Variants in CHN1 observed in about 807,000 individuals in gnomAD.
CHN1 encodes N-chimaerin.
Under a neutral mutation model 59.5 loss-of-function variants are expected in CHN1, and 37 were observed. That is an observed-to-expected ratio of 0.62 (90% CI 0.48 to 0.82). The LOEUF (loss-of-function observed/expected upper bound fraction) is 0.82. Ranked by LOEUF, CHN1 falls within the 40% of genes least tolerant of loss-of-function variation. The pLI, the probability that CHN1 is intolerant of heterozygous loss-of-function variation, is 0.00. For synonymous variants in CHN1, 206 were observed against 200.4 expected, an observed-to-expected ratio of 1.03 and a Z score of -0.24; for missense variants, 469 against 571.0, an observed-to-expected ratio of 0.82 and a Z score of 1.82.
intron 6 of CHN1, among the ~76,000 whole-genome samples, chr2:174,857,851 T>G (rs1425475314): frequency 6.6e-6 from 1 of 152,180 alleles, no homozygotes; most frequent in Non-Finnish European, 1.5e-5. Flanking sequence ...GTCTAACACT[T>G]TGTCAACAAT....
intron 2 of CHN1, among the ~76,000 whole-genome samples, chr2:174,947,078 G>C (rs974125765): frequency 2.6e-5 from 4 of 152,072 alleles, no homozygotes; most frequent in Admixed American, 2.0e-4. Flanking sequence ...CCAATTCTGA[G>C]AACTGAATGA....
chr2:174,984,311 C>T (rs1691264390), intron 1 of CHN1, among the ~76,000 whole-genome samples: 1 of 150,914 alleles, frequency 6.6e-6, no homozygotes, highest in African/African-American at 2.4e-5. Flanking sequence ...AATTAATTTA[C>T]CTTAAATTAA....
intron 5 of CHN1, among the ~76,000 whole-genome samples, chr2:174,903,715 T>C (rs1022472451): frequency 6.6e-6 from 1 of 152,236 alleles, no homozygotes; most frequent in Non-Finnish European, 1.5e-5. Flanking sequence ...ACAAGGTTAC[T>C]ATAAAATTAT....
intron 5 of CHN1, among the ~76,000 whole-genome samples, chr2:174,878,904 G>A (rs1320345521): frequency 6.6e-6 from 1 of 152,122 alleles, no homozygotes; most frequent in African/African-American, 2.4e-5. Context: ...TCAGTATTTT[G>A]CTTCCTGCAG....
At chr2:174,941,621 T>C (rs572431655) in intron 3 of CHN1, among the ~76,000 whole-genome samples, 98 of 149,474 alleles carry the variant, frequency 6.6e-4, no homozygotes, top group African/African-American at 2.3e-3. Context: ...GTTGTGACTT[T>C]TGAACTTTGT....
In CHN1 at chr2:174,884,226, C is replaced by T. The variant is rs558934647; in HGVS notation, c.261-6098G>A. Among the ~76,000 whole-genome samples the T allele has an allele frequency of 2.0e-5, 3 of 152,200 alleles. No homozygotes were observed. In the East Asian group the frequency reaches 5.8e-4, roughly 29 times the overall value. On this transcript the variant is annotated intron_variant, in intron 5 of 12. Coordinates refer to ENST00000409900, the MANE Select transcript of CHN1 (RefSeq NM_001822.7). ...GACCTCGTGATCCACCCACCTCGGTCTCCCAAAGTGCTGGGATTACAGGCG... is the reference window on the plus strand; with the variant it reads ...GACCTCGTGATCCACCCACCTCGGTTTCCCAAAGTGCTGGGATTACAGGCG...
At chr2:174,812,219 C>A in intron 9 of CHN1, 90 bp downstream of exon 9, 1 of 1,047,396 alleles carries the variant, frequency 9.5e-7, no homozygotes, top group Non-Finnish European at 1.3e-6. Context: ...CAGAAGACAA[C>A]CGTATTGTGC....
chr2:174,998,377 T>C (rs1019008989), intron 1 of CHN1, among the ~76,000 whole-genome samples: 2 of 118,094 alleles, frequency 1.7e-5, no homozygotes, highest in African/African-American at 6.4e-5. Context: ...ATGACAGAAA[T>C]GGGAAAAATC....
intron 7 of CHN1, among the ~76,000 whole-genome samples, chr2:174,840,560 A>G (rs889004690): frequency 6.6e-5 from 10 of 152,134 alleles, no homozygotes; most frequent in Admixed American, 2.6e-4. Context: ...CAAGGACCGT[A>G]CATTACATAT....
chr2:174,925,385 T>C (rs940525096), intron 3 of CHN1, among the ~76,000 whole-genome samples: 2 of 152,214 alleles, frequency 1.3e-5, no homozygotes, highest in Non-Finnish European at 2.9e-5. Flanking sequence ...AAATATTTTA[T>C]CCCAAAATAT....
chr2:174,909,237 C>T (rs1287725673), intron 5 of CHN1, among the ~76,000 whole-genome samples: 1 of 152,176 alleles, frequency 6.6e-6, no homozygotes, highest in Non-Finnish European at 1.5e-5. Flanking sequence ...CTATAGTTAA[C>T]TATCTAACTG....
At chr2:174,908,910 T>A (rs1296858415) in intron 5 of CHN1, among the ~76,000 whole-genome samples, 1 of 152,230 alleles carries the variant, frequency 6.6e-6, no homozygotes, top group Non-Finnish European at 1.5e-5. Context: ...AAATTATTAA[T>A]ATAATTAGGT....
At chr2:174,988,621 CT>C (rs1456332178) in intron 1 of CHN1, among the ~76,000 whole-genome samples, 1 of 152,092 alleles carries the variant, frequency 6.6e-6, no homozygotes, top group Non-Finnish European at 1.5e-5. Flanking sequence ...TTCTCAGCAG[CT>C]ATGAATCTTC....
intron 1 of CHN1, among the ~76,000 whole-genome samples, chr2:174,968,477 T>C (rs1398712752): frequency 6.6e-6 from 1 of 152,262 alleles, no homozygotes; most frequent in Non-Finnish European, 1.5e-5. Flanking sequence ...ACGTTAACTA[T>C]CCTAAAGTAT....
chr2:174,900,282 CAGGAGTTCAGGAGAAGGCT>C (rs1301848580), intron 5 of CHN1, among the ~76,000 whole-genome samples: 1 of 151,958 alleles, frequency 6.6e-6, no homozygotes, highest in Non-Finnish European at 1.5e-5. Flanking sequence ...CTTCTCGGGC[CAGGAGTTCAGGAGAAGGCT>C]AGGAGTTCAA....
At chr2:174,881,483 C>T (rs1687735398) in intron 5 of CHN1, among the ~76,000 whole-genome samples, 1 of 152,128 alleles carries the variant, frequency 6.6e-6, no homozygotes, top group South Asian at 2.1e-4. Context: ...CATCACCCTA[C>T]CCCAGATGGC....
chr2:174,971,736 C>G (rs572518414), intron 1 of CHN1, among the ~76,000 whole-genome samples: 81 of 152,270 alleles, frequency 5.3e-4, no homozygotes, highest in African/African-American at 1.9e-3. Flanking sequence ...CAGAGCCAGT[C>G]CTTGAACCAA....
chr2:174,853,686 G>A (rs546111322), intron 6 of CHN1, among the ~76,000 whole-genome samples: 14 of 152,202 alleles, frequency 9.2e-5, no homozygotes, highest in African/African-American at 3.1e-4. Flanking sequence ...GAAAAGAGAC[G>A]GAATCAACCC....
chr2:174,943,618 C>G (rs1411954436), intron 3 of CHN1, among the ~76,000 whole-genome samples: 1 of 152,100 alleles, frequency 6.6e-6, no homozygotes, highest in East Asian at 1.9e-4. Flanking sequence ...GACTAAAAAT[C>G]AGACTCAGAA....
Sources: allele counts gnomAD v4.1 joint callset (sites outside exome capture counted in the v4.1 genomes callset), GRCh38; gene constraint gnomAD v4.1.1; transcripts MANE v1.5; gene names NCBI Gene and HGNC (gene_info 2026-07-23, HGNC 2026-07-21).